The following PCCA variants were observed in gnomAD, a reference collection of about 807,000 sequenced individuals.
PCCA encodes propionyl-CoA carboxylase alpha chain, mitochondrial.
In PCCA, 74 loss-of-function variants were observed where a neutral mutation model predicts 101.3. That is an observed-to-expected ratio of 0.73 (90% CI 0.61 to 0.89). PCCA has a LOEUF of 0.89. PCCA is among the 40% of genes least tolerant of loss of function. The probability of loss-of-function intolerance (pLI) is 0.00; values close to 1 mark genes in which losing one functional copy is unlikely to be tolerated. For missense variants in PCCA, 891 were observed against 907.0 expected, an observed-to-expected ratio of 0.98 and a Z score of 0.23; for synonymous variants, 294 against 313.6, an observed-to-expected ratio of 0.94 and a Z score of 0.66.
At chr13:100,122,673 A>G (rs1462448399) in intron 4 of PCCA, among the ~76,000 whole-genome samples, 5 of 152,090 alleles carry the variant, frequency 3.3e-5, no homozygotes, top group Non-Finnish European at 7.4e-5. Context: ...TCCTAAATTT[A>G]GACATTTGAG....
intron 20 of PCCA, among the ~76,000 whole-genome samples, chr13:100,446,381 G>C (rs2080834394): frequency 6.6e-6 from 1 of 152,142 alleles, no homozygotes; most frequent in African/African-American, 2.4e-5. Flanking sequence ...CCTATCTAAT[G>C]TCTTCCTTAT....
chr13:100,131,466 A>G (rs1032260072), intron 4 of PCCA, among the ~76,000 whole-genome samples: 1 of 152,184 alleles, frequency 6.6e-6, no homozygotes, highest in Admixed American at 6.5e-5. Flanking sequence ...CAGGGAGTGC[A>G]TCTCATCTGG....
rs536658191 is a variant in PCCA at position 100,474,074 on chromosome 13, G to A, written c.1899+24769G>A. Among the ~76,000 whole-genome samples, 11 of 152,270 alleles carry A rather than the reference G, an allele frequency of 7.2e-5. 1 individual carries two copies. The highest frequency in any genetic ancestry group is 1.9e-4 in the African/African-American group (8 of 41,542). ...CCTGCCATGAGAAGTGAGTTTTATC[G>A]AACAGAAGGTAGGGAATTGAATTGC... On this transcript the variant is annotated intron_variant, in intron 21 of 23. Transcript: ENST00000376285.
In PCCA at chr13:100,180,599, T is replaced by C. The variant is rs970909033; in HGVS notation, c.468+23259T>C. The stretch of plus-strand genomic sequence containing the variant: ...GGTGTGGATACAGAGGTTGTATGTA[T>C]GTGGTATTCCAGTTTAAGGTGGCCA... On this transcript the variant is annotated intron_variant, in intron 6 of 23. Transcript: ENST00000376285. 9.2e-5 allele frequency among the ~76,000 whole-genome samples: 14 copies of C among 152,352 alleles called. No homozygotes were observed. In the South Asian group the frequency reaches 1.2e-3, roughly 14 times the overall value.
At chr13:100,491,615 G>T in intron 21 of PCCA, 2 of 1,291,042 alleles carry the variant, frequency 1.5e-6, no homozygotes, top group Admixed American at 2.3e-5. Flanking sequence ...TGAAATAATG[G>T]CCAAAGCGGT....
chr13:100,290,922 T>C (rs1287367697), intron 12 of PCCA, among the ~76,000 whole-genome samples: 2 of 152,232 alleles, frequency 1.3e-5, no homozygotes, highest in Non-Finnish European at 2.9e-5. Flanking sequence ...AAATTCTAAT[T>C]GTGCGTTACA....
At chr13:100,419,403 C>T (rs1024439204) in intron 19 of PCCA, among the ~76,000 whole-genome samples, 2 of 150,614 alleles carry the variant, frequency 1.3e-5, no homozygotes, top group Admixed American at 6.6e-5. Flanking sequence ...ACCTGGGAGG[C>T]GGAGGCTGCA....
At chr13:100,490,966 G>A (rs1012565570) in intron 21 of PCCA, 1 of 152,282 alleles carries the variant, frequency 6.6e-6, no homozygotes, top group Admixed American at 6.5e-5. Context: ...GAGCTTGTTT[G>A]ACCACAGACT....
rs1475832105 is a variant in PCCA, at chr13:100,520,617, A to AGAGC, written c.2040+5054_2040+5057dup. On this transcript the variant is annotated intron_variant, in intron 22 of 23. Coordinates refer to ENST00000376285, the MANE Select transcript of PCCA (RefSeq NM_000282.4). ...GCCACAGCACTCCAGCCTGGGCGAC[A>AGAGC]GAGCGAGACTCCGTCTCAAAAAAAA... Among the ~76,000 whole-genome samples the AGAGC allele has an allele frequency of 1.0e-3, 133 of 131,604 alleles. 1 individual carries two copies. The highest frequency in any genetic ancestry group is 4.3e-3 in the Middle Eastern group (1 of 232). 86.3% of individuals were successfully genotyped at this position (131,604 alleles called of 152,430 possible).
At chr13:100,517,859 G>T (rs958344102) in intron 22 of PCCA, among the ~76,000 whole-genome samples, 4 of 152,128 alleles carry the variant, frequency 2.6e-5, no homozygotes, top group African/African-American at 9.7e-5. Flanking sequence ...GGCTCTTAGC[G>T]CAACTTCTAT....
intron 21 of PCCA, among the ~76,000 whole-genome samples, chr13:100,471,958 G>A (rs189315187): frequency 3.1e-3 from 473 of 152,336 alleles, no homozygotes; most frequent in Middle Eastern, 0.01. Context: ...GGACTGGGAA[G>A]AAGTAGGCAG....
chr13:100,176,865 G>A (rs1408155051), intron 6 of PCCA, among the ~76,000 whole-genome samples: 1 of 152,166 alleles, frequency 6.6e-6, no homozygotes, highest in Non-Finnish European at 1.5e-5. Context: ...GTTTAGTAAT[G>A]TTCTGATTAG....
At chr13:100,142,023 A>G (rs933140937) in intron 4 of PCCA, among the ~76,000 whole-genome samples, 2 of 152,220 alleles carry the variant, frequency 1.3e-5, no homozygotes, top group Non-Finnish European at 2.9e-5. Context: ...AGTGTTGGCA[A>G]TAATACTTGG....
intron 21 of PCCA, among the ~76,000 whole-genome samples, chr13:100,473,591 C>A (rs1214207480): frequency 6.6e-6 from 1 of 152,194 alleles, no homozygotes; most frequent in Non-Finnish European, 1.5e-5. Context: ...AAAATCTCAT[C>A]TCTAGTCCCA....
At chr13:100,430,710 T>C (rs2079487748) in intron 20 of PCCA, among the ~76,000 whole-genome samples, 1 of 152,338 alleles carries the variant, frequency 6.6e-6, no homozygotes, top group Admixed American at 6.5e-5. Flanking sequence ...CCTCTTGACA[T>C]AGGAGGTTCT....
intron 6 of PCCA, among the ~76,000 whole-genome samples, chr13:100,162,483 G>A (rs547767927): frequency 1.3e-5 from 2 of 152,296 alleles, no homozygotes; most frequent in African/African-American, 4.8e-5. Context: ...GGGCTGGGCC[G>A]TTAGTGGTAT....
chr13:100,222,947 T>C (rs2059910063), intron 7 of PCCA, among the ~76,000 whole-genome samples: 1 of 152,228 alleles, frequency 6.6e-6, no homozygotes, highest in African/African-American at 2.4e-5. Flanking sequence ...ACTCTTCTTT[T>C]TAATGGCTTA....
intron 21 of PCCA, among the ~76,000 whole-genome samples, chr13:100,464,967 A>G (rs1302412859): frequency 6.6e-6 from 1 of 152,220 alleles, no homozygotes; most frequent in African/African-American, 2.4e-5. Flanking sequence ...GGGCACTGTC[A>G]TATGTTACTG....
intron 6 of PCCA, among the ~76,000 whole-genome samples, chr13:100,180,462 A>G (rs36065725): frequency 0.08 from 12,132 of 152,224 alleles, 642 homozygotes; most frequent in Middle Eastern, 0.2. Context: ...TCTTCCCACA[A>G]TGGTTTATTT....
Sources: gnomAD v4.1 joint callset for allele counts (sites outside exome capture counted in the v4.1 genomes callset) on GRCh38, gnomAD v4.1.1 for gene constraint, MANE v1.5 for transcripts, NCBI Gene and HGNC (gene_info 2026-07-23, HGNC 2026-07-21) for gene names.